CCT6B: variants seen among roughly 807,000 people sequenced by gnomAD.
CCT6B encodes the protein probable T-complex protein 1 subunit zeta-2.
In CCT6B, 49 loss-of-function variants were observed where a neutral mutation model predicts 61.5. The observed-to-expected ratio is 0.80, with a 90% CI of 0.63 to 1.01. The LOEUF (loss-of-function observed/expected upper bound fraction) is 1.01, where lower values mean the gene tolerates loss of function less well. Among genes scored for constraint, CCT6B ranks in the 50% least tolerant of loss-of-function variants. The pLI is 0.00. For synonymous variants in CCT6B, 228 were observed against 214.5 expected, an observed-to-expected ratio of 1.06 and a Z score of -0.55; for missense variants, 666 against 634.7, an observed-to-expected ratio of 1.05 and a Z score of -0.53.
At chr17:34,959,522 C>G (rs2090387292) in intron 2 of CCT6B, 65 bp downstream of exon 2, 1 of 1,148,362 alleles carries the variant, frequency 8.7e-7, no homozygotes, top group African/African-American at 1.5e-5. Flanking sequence ...TAAAGATACA[C>G]AAGTTCTACT....
chr17:34,941,365 T>C (rs933686900), intron 7 of CCT6B, among the ~76,000 whole-genome samples: 2 of 152,228 alleles, frequency 1.3e-5, no homozygotes, highest in African/African-American at 4.8e-5. Flanking sequence ...GTGTTATACA[T>C]GTAGAAACTG....
At chr17:34,959,894 C>T (rs896950144) in intron 1 of CCT6B, among the ~76,000 whole-genome samples, 35 of 152,306 alleles carry the variant, frequency 2.3e-4, no homozygotes, top group Admixed American at 1.8e-3. Context: ...TGATGAGTTA[C>T]GAACTGTGGT....
chr17:34,938,839 T>C (rs570518771), intron 10 of CCT6B, among the ~76,000 whole-genome samples: 1 of 152,056 alleles, frequency 6.6e-6, no homozygotes, highest in African/African-American at 2.4e-5. Context: ...TTTCAGCTCT[T>C]TGGGAGGCCA....
chr17:34,939,794 GAAGA>G, intron 8 of CCT6B, 81 bp from the exon 9 acceptor site: 2 of 875,352 alleles, frequency 2.3e-6, no homozygotes, highest in East Asian at 2.6e-5. Context: ...ATCTAATGCA[GAAGA>G]CTGTATTGTT....
intron 11 of CCT6B, 101 bp from the exon 12 acceptor site, chr17:34,931,152 A>C (rs2090031455): frequency 3.2e-6 from 1 of 308,450 alleles, no homozygotes; most frequent in African/African-American, 2.2e-5. Flanking sequence ...AAACACATCC[A>C]TAACATGGCA....
chr17:34,943,962 C>T (rs2090195530), intron 5 of CCT6B: 2 of 151,862 alleles, frequency 1.3e-5, no homozygotes, highest in Admixed American at 1.3e-4. Flanking sequence ...AATTCATTTA[C>T]AAAACATTCA....
intron 3 of CCT6B, among the ~76,000 whole-genome samples, chr17:34,957,051 C>T (rs1003399673): frequency 4.6e-5 from 7 of 152,078 alleles, no homozygotes; most frequent in Admixed American, 6.6e-5. Flanking sequence ...TCAAGTGATC[C>T]TCCTGCCTCA....
chr17:34,945,201 C>G (rs1357559900), intron 5 of CCT6B, among the ~76,000 whole-genome samples: 1 of 152,202 alleles, frequency 6.6e-6, no homozygotes, highest in African/African-American at 2.4e-5. Flanking sequence ...ACTATATTCA[C>G]TTCCCAGATG....
At chr17:34,936,957 A>T (rs149769869) in intron 10 of CCT6B, among the ~76,000 whole-genome samples, 129 of 152,242 alleles carry the variant, frequency 8.5e-4, no homozygotes, top group African/African-American at 2.9e-3. Flanking sequence ...GTTTGAGACC[A>T]GCCTGGGTAA....
chr17:34,952,422 A>G (rs2090302585), intron 4 of CCT6B, among the ~76,000 whole-genome samples: 1 of 152,206 alleles, frequency 6.6e-6, no homozygotes, highest in Non-Finnish European at 1.5e-5. Context: ...AAGACTATCC[A>G]AACTTTTCCA....
At chr17:34,929,522 T>A (rs1402086795) in intron 12 of CCT6B, among the ~76,000 whole-genome samples, 1 of 151,244 alleles carries the variant, frequency 6.6e-6, no homozygotes, top group Non-Finnish European at 1.5e-5. Context: ...GTTTTTTGTT[T>A]TTGTTTTTGA....
intron 5 of CCT6B, among the ~76,000 whole-genome samples, chr17:34,951,099 G>C (rs1011582674): frequency 6.6e-6 from 1 of 152,056 alleles, no homozygotes; most frequent in African/African-American, 2.4e-5. Flanking sequence ...GAGACTAAAA[G>C]AGATATCACC....
intron 12 of CCT6B, 88 bp from the exon 13 acceptor site, chr17:34,929,122 C>T (rs990968925): frequency 1.0e-5 from 8 of 801,622 alleles, no homozygotes; most frequent in Non-Finnish European, 1.5e-5. Flanking sequence ...TAATACATTA[C>T]CAAAACTACT....
chr17:34,935,924 C>T (rs1205789730), intron 10 of CCT6B, among the ~76,000 whole-genome samples: 1 of 147,806 alleles, frequency 6.8e-6, no homozygotes, highest in Non-Finnish European at 1.5e-5. Context: ...CATTTATTCT[C>T]GTGTGTGTGT....
At chr17:34,948,018 G>A (rs1323882129) in intron 5 of CCT6B, among the ~76,000 whole-genome samples, 1 of 151,380 alleles carries the variant, frequency 6.6e-6, no homozygotes, top group Non-Finnish European at 1.5e-5. Flanking sequence ...TAAGTAGAAA[G>A]TATAAAACAA....
intron 5 of CCT6B, among the ~76,000 whole-genome samples, chr17:34,945,455 T>C (rs2090213141): frequency 6.6e-6 from 1 of 152,214 alleles, no homozygotes; most frequent in Non-Finnish European, 1.5e-5. Context: ...CTTTTCCTGC[T>C]GATCATGAAA....
At position 34,942,483 on chromosome 17, in the gene CCT6B, C is replaced by T. The variant is rs772289806; in HGVS notation, c.885+1G>A. On this transcript the variant is annotated splice_donor_variant, in intron 7 of 13. Transcript: ENST00000314144. LOFTEE classifies it high-confidence loss of function. Reference sequence around the variant, plus strand: ...ACTAAAATCTAAACTTTCTTTCTCACCTTTTGATTAATGACGACAAATCCT... The same window carrying T: ...ACTAAAATCTAAACTTTCTTTCTCATCTTTTGATTAATGACGACAAATCCT... The T allele has an allele frequency of 8.8e-6, 14 of 1,585,454 alleles. No homozygotes were observed. In the South Asian group the frequency reaches 1.5e-4, roughly 17 times the overall value.
chr17:34,955,220 C>T (rs1174465660), intron 3 of CCT6B, among the ~76,000 whole-genome samples: 1 of 152,134 alleles, frequency 6.6e-6, no homozygotes, highest in African/African-American at 2.4e-5. Flanking sequence ...ACTAAAGGAA[C>T]ACGACAACTG....
At chr17:34,953,678 T>C (rs1054699053) in intron 4 of CCT6B, among the ~76,000 whole-genome samples, 2 of 152,042 alleles carry the variant, frequency 1.3e-5, no homozygotes, top group African/African-American at 2.4e-5. Flanking sequence ...ACTGGCCAGA[T>C]GTGGTGACTT....
Sources: allele counts gnomAD v4.1 joint callset (sites outside exome capture counted in the v4.1 genomes callset), GRCh38; gene constraint gnomAD v4.1.1; transcripts MANE v1.5; gene names NCBI Gene and HGNC (gene_info 2026-07-23, HGNC 2026-07-21).